RDH13: variants seen among roughly 807,000 people sequenced by gnomAD.
The protein encoded by RDH13 is retinol dehydrogenase 13, also known as retinol dehydrogenase 13 (all-trans and 9-cis).
RDH13 carries 35 observed loss-of-function variants against 28.3 expected under a neutral mutation model. The ratio of observed to expected loss-of-function variants is 1.24; its 90% CI spans 0.95 to 1.64. RDH13 has a LOEUF of 1.64. Among genes scored for constraint, RDH13 ranks in the 40% most tolerant of loss-of-function variants. The probability of loss-of-function intolerance (pLI) is 0.00; values close to 1 mark genes in which losing one functional copy is unlikely to be tolerated. For synonymous variants in RDH13, 229 were observed against 198.5 expected (o/e 1.15, Z -1.29); for missense variants, 514 against 446.3 (o/e 1.15, Z -1.37).
At chr19:55,063,925 C>T (rs1290943344), upstream of RDH13, 11 of 152,502 alleles carry the variant, frequency 7.2e-5, no homozygotes, top group Admixed American at 7.2e-4. Context: ...CTTCCCCTTG[C>T]ACTGCTCACA....
chr19:55,062,851 G>T, intron 1 of RDH13, 117 bp downstream of exon 1: 1 of 913,444 alleles, frequency 1.1e-6, no homozygotes, highest in South Asian at 2.3e-5. Context: ...CGGGCACTGC[G>T]GGTCGGGAGC....
At chr19:55,045,787 A>AATAC (rs2075205652) in intron 6 of RDH13, among the ~76,000 whole-genome samples, 1 of 151,202 alleles carries the variant, frequency 6.6e-6, no homozygotes, top group African/African-American at 2.4e-5. Context: ...TTCTACTAAA[A>AATAC]ATACAAAAAT....
intron 6 of RDH13, chr19:55,046,583 C>T (rs1242231409): frequency 6.6e-6 from 1 of 151,974 alleles, no homozygotes; most frequent in East Asian, 2.0e-4. Context: ...TTGATGCCAA[C>T]CAATCACCCA....
At position 55,045,005 on chromosome 19, in the gene RDH13, C is replaced by T; in HGVS notation, c.*69G>A. 1 of 1,190,898 alleles carries T rather than the reference C, an allele frequency of 8.4e-7. No individual in the cohort carries two copies. Among genetic ancestry groups the T allele is most frequent in the African/African-American group, 1.5e-5 (1 of 65,560 alleles). 73.8% of individuals were successfully genotyped at this position (1,190,898 alleles called of 1,614,324 possible). ...TCCCGGCTCAGGTAGTGCCAGGAAG[C>T]TGCGGGCATGGCGGACAGCTGTCCT... is the stretch of plus-strand genomic sequence containing the variant. On this transcript the variant is annotated 3_prime_UTR_variant, in exon 7 of 7. Coordinates refer to ENST00000415061, the MANE Select transcript of RDH13 (RefSeq NM_001145971.2).
At chr19:55,055,950 C>G (rs1314370613) in intron 3 of RDH13, among the ~76,000 whole-genome samples, 2 of 151,320 alleles carry the variant, frequency 1.3e-5, no homozygotes, top group Admixed American at 1.3e-4. Flanking sequence ...GTCAGGAGTT[C>G]GAGACCAGCC....
In RDH13 at chr19:55,045,488, C is replaced by A. The variant is rs1355656621; in HGVS notation, c.761-179G>T. 2.6e-5 allele frequency among the ~76,000 whole-genome samples: 4 copies of A among 152,152 alleles called. No homozygotes were observed. In the East Asian group the frequency reaches 5.8e-4, roughly 22 times the overall value. On this transcript the variant is annotated intron_variant, in intron 6 of 6. Transcript: ENST00000415061. ...CTGGCACTGCCCAGGCAAATCCCAC[C>A]AGACCAGGGATCAGACCAAAAGCTG... is the stretch of plus-strand genomic sequence containing the variant.
chr19:55,047,627 A>G, intron 5 of RDH13, 139 bp from the exon 6 acceptor site: 1 of 1,396,346 alleles, frequency 7.2e-7, no homozygotes, highest in Non-Finnish European at 9.4e-7. Context: ...CTTGCTCTGG[A>G]ATCTTAGTGA....
At chr19:55,054,073 C>T (rs892895477) in intron 3 of RDH13, 4 of 152,180 alleles carry the variant, frequency 2.6e-5, no homozygotes, top group African/African-American at 7.2e-5. Flanking sequence ...AATGAATGAA[C>T]CAACGAATGT....
chr19:55,053,463 G>C (rs1370008752), intron 3 of RDH13, among the ~76,000 whole-genome samples: 1 of 151,760 alleles, frequency 6.6e-6, no homozygotes. Flanking sequence ...AGACCATCCT[G>C]GCTAACACGG....
Position 55,063,138 on chromosome 19 carries a change from A to G in RDH13, c.-106T>C. ...AGAGCGCGCGACGCAGCCACAGGCG[A>G]GCGGAGGCGCAGGCGCGGCTGGGCC... is the stretch of plus-strand genomic sequence containing the variant. On this transcript the variant is annotated 5_prime_UTR_variant, in exon 1 of 7. Transcript: ENST00000415061. The G allele has an allele frequency of 9.2e-7, 1 of 1,089,148 alleles. No individual in the cohort carries two copies. The highest frequency in any genetic ancestry group is 1.2e-6 in the Non-Finnish European group (1 of 840,708). 67.5% of individuals were successfully genotyped at this position (1,089,148 alleles called of 1,614,324 possible). A position where few individuals can be genotyped will look rare whatever the true frequency, so the allele number is the denominator to read the frequency against.
intron 2 of RDH13, among the ~76,000 whole-genome samples, chr19:55,057,091 G>A (rs2075662999): frequency 6.6e-6 from 1 of 152,042 alleles, no homozygotes; most frequent in Admixed American, 6.6e-5. Flanking sequence ...CTGTGCTCGG[G>A]GAAAGAAACC....
downstream of RDH13, chr19:55,042,886 CAA>C (rs1167406332): frequency 2.6e-5 from 4 of 152,318 alleles, no homozygotes; most frequent in African/African-American, 7.2e-5. Flanking sequence ...GAGGGCAAGA[CAA>C]GAGGGCTGAC....
chr19:55,055,325 G>GTTTTTT (rs1362062303), intron 3 of RDH13, among the ~76,000 whole-genome samples: 1 of 151,750 alleles, frequency 6.6e-6, no homozygotes, highest in African/African-American at 2.4e-5. Flanking sequence ...GCTAATTTTT[G>GTTTTTT]TATTTTTAGT....
rs1485785768 is a variant in RDH13, at chr19:55,046,012, C to G, written c.761-703G>C. Among the ~76,000 whole-genome samples the G allele has an allele frequency of 4.7e-5, 7 of 147,488 alleles. No individual in the cohort carries two copies. The Admixed American group carries it at 4.8e-4, about 10-fold the overall frequency. The stretch of plus-strand genomic sequence containing the variant: ...CCTGTAATCCCAGCACTTTGGGAGG[C>G]TGAGGCAGGTGGATCACCTGAGGTC... On this transcript the variant is annotated intron_variant, in intron 6 of 6. Coordinates refer to ENST00000415061, the MANE Select transcript of RDH13 (RefSeq NM_001145971.2).
intron 3 of RDH13, among the ~76,000 whole-genome samples, chr19:55,054,968 AAAC>A (rs767775372): frequency 6.6e-6 from 1 of 152,258 alleles, no homozygotes; most frequent in South Asian, 2.1e-4. Flanking sequence ...CATGTCAACT[AAAC>A]AATAAATAAT....
At chr19:55,051,181 C>G (rs1158620382) in intron 3 of RDH13, among the ~76,000 whole-genome samples, 1 of 152,206 alleles carries the variant, frequency 6.6e-6, no homozygotes. Flanking sequence ...CTGAGAGCCA[C>G]TTCCACTCGT....
chr19:55,055,474 GCAGTA>G (rs1455675239), intron 3 of RDH13, among the ~76,000 whole-genome samples: 5 of 151,900 alleles, frequency 3.3e-5, no homozygotes, highest in African/African-American at 1.2e-4. Context: ...TCTTTACATT[GCAGTA>G]TTTTATAAAT....
rs945399798 is a variant in RDH13 at position 55,048,783 on chromosome 19, G to A, written c.341-20C>T. 1.9e-6 allele frequency: 3 copies of A among 1,601,088 alleles called. No individual in the cohort carries two copies. Among genetic ancestry groups the A allele is most frequent in the South Asian group, 2.2e-5 (2 of 90,680 alleles). Reference sequence around the variant, plus strand: ...CCTCCTCTGGAAGAGAGGGGTGGAGGAGGAGACATCCCGGTGAGGACAGAC... The same window carrying A: ...CCTCCTCTGGAAGAGAGGGGTGGAGAAGGAGACATCCCGGTGAGGACAGAC... On this transcript the variant is annotated intron_variant, in intron 3 of 6. Transcript: ENST00000415061.
At chr19:55,059,351 G>T in intron 1 of RDH13, 76 bp from the exon 2 acceptor site, 1 of 942,274 alleles carries the variant, frequency 1.1e-6, no homozygotes, top group Non-Finnish European at 1.6e-6. Context: ...ATGATCTCAG[G>T]CAACCTTGTC....
Sources: gnomAD v4.1 joint callset for allele counts (sites outside exome capture counted in the v4.1 genomes callset) on GRCh38, gnomAD v4.1.1 for gene constraint, MANE v1.5 for transcripts, NCBI Gene and HGNC (gene_info 2026-07-23, HGNC 2026-07-21) for gene names.